Variants in TBC1D5 observed in about 807,000 individuals in gnomAD.
The protein encoded by TBC1D5 is TBC1 domain family member 5.
A neutral mutation model predicts 100.3 loss-of-function variants in TBC1D5; 75 were observed. The ratio of observed to expected loss-of-function variants is 0.75; its 90% CI spans 0.62 to 0.91. The LOEUF is 0.91. Ranked by LOEUF, TBC1D5 falls within the 40% of genes least tolerant of loss-of-function variation. The pLI, the probability that TBC1D5 is intolerant of heterozygous loss-of-function variation, is 0.00. For synonymous variants in TBC1D5, 323 were observed against 325.6 expected, an observed-to-expected ratio of 0.99 and a Z score of 0.09; for missense variants, 910 against 942.4, an observed-to-expected ratio of 0.97 and a Z score of 0.45.
chr3:17,523,058 T>C (rs2096080384), intron 2 of TBC1D5, among the ~76,000 whole-genome samples: 10 of 151,016 alleles, frequency 6.6e-5, no homozygotes. Flanking sequence ...TTTCACTTAA[T>C]GCTTACTAAA....
intron 1 of TBC1D5, among the ~76,000 whole-genome samples, chr3:17,707,173 T>G (rs1338182332): frequency 6.6e-6 from 1 of 151,640 alleles, no homozygotes; most frequent in Non-Finnish European, 1.5e-5. Context: ...AACTACACTA[T>G]ATTTGAGATA....
At chr3:17,228,469 G>C (rs937397958) in intron 17 of TBC1D5, among the ~76,000 whole-genome samples, 1 of 152,152 alleles carries the variant, frequency 6.6e-6, no homozygotes, top group Non-Finnish European at 1.5e-5. Flanking sequence ...CTGGATTGTG[G>C]ATTCACAGGT....
At chr3:17,590,117 C>A (rs1340912802) in intron 2 of TBC1D5, among the ~76,000 whole-genome samples, 1 of 152,196 alleles carries the variant, frequency 6.6e-6, no homozygotes, top group Admixed American at 6.5e-5. Context: ...TCCCAGCGGG[C>A]CCCAGAGGTG....
intron 18 of TBC1D5, among the ~76,000 whole-genome samples, chr3:17,195,243 A>G (rs923287200): frequency 3.3e-5 from 5 of 152,292 alleles, no homozygotes; most frequent in Admixed American, 3.3e-4. Flanking sequence ...TTGTGTTTTT[A>G]TAATTAGGCA....
chr3:17,508,352 C>A, intron 3 of TBC1D5, 122 bp downstream of exon 3: 1 of 712,456 alleles, frequency 1.4e-6, no homozygotes, highest in Non-Finnish European at 2.5e-6. Flanking sequence ...ACATACTTAA[C>A]ACTGGCCTGC....
At chr3:17,522,253 T>A (rs757970003) in intron 2 of TBC1D5, among the ~76,000 whole-genome samples, 1 of 152,116 alleles carries the variant, frequency 6.6e-6, no homozygotes, top group African/African-American at 2.4e-5. Flanking sequence ...TAAAAGAGAT[T>A]TGTACACATG....
At chr3:17,226,362 C>T (rs903035670) in intron 17 of TBC1D5, among the ~76,000 whole-genome samples, 2 of 148,078 alleles carry the variant, frequency 1.4e-5, no homozygotes, top group South Asian at 2.1e-4. Context: ...TTTTGTTGCA[C>T]GAAAATTTAA....
intron 16 of TBC1D5, among the ~76,000 whole-genome samples, chr3:17,252,413 T>G (rs2077255133): frequency 6.6e-6 from 1 of 152,162 alleles, no homozygotes; most frequent in Non-Finnish European, 1.5e-5. Flanking sequence ...CTGATATTGA[T>G]GATGAAAGAT....
chr3:17,161,051 G>A lies in TBC1D5; in HGVS notation c.2300C>T (p.Ser767Leu), dbSNP rs748623784. 2.5e-6 allele frequency: 4 copies of A among 1,614,126 alleles called. No homozygotes were observed. The South Asian group carries it at 3.3e-5, about 13-fold the overall frequency. Reference sequence around the variant, plus strand: ...GGAGCTGGGGTTGCTGGAGGAAGCTGAGGCTGGGCCCATCAGTGGATCTGA... The same window carrying A: ...GGAGCTGGGGTTGCTGGAGGAAGCTAAGGCTGGGCCCATCAGTGGATCTGA... Residue 767 changes from serine to leucine, a missense_variant, in exon 22 of 22, where the codon TCA becomes TTA. Coordinates refer to ENST00000253692, the Ensembl canonical transcript of TBC1D5.
chr3:17,349,441 C>G (rs1303938420), intron 13 of TBC1D5, among the ~76,000 whole-genome samples: 1 of 152,166 alleles, frequency 6.6e-6, no homozygotes, highest in Non-Finnish European at 1.5e-5. Flanking sequence ...TTTAAAATAA[C>G]TAATTACTAC....
intron 1 of TBC1D5, among the ~76,000 whole-genome samples, chr3:17,716,083 T>C (rs890609496): frequency 6.6e-6 from 1 of 152,016 alleles, no homozygotes; most frequent in African/African-American, 2.4e-5. Context: ...ATGAAAAAAG[T>C]TGGGCATGGG....
At position 17,352,683 on chromosome 3, in the gene TBC1D5, C is replaced by CAAAAAAAAAAAAA. The variant is rs1363926293; in HGVS notation, c.995+19379_995+19391dup. The stretch of plus-strand genomic sequence containing the variant: ...TCTAACTACAATACAAAGCAAAAGG[C>CAAAAAAAAAAAAA]AAAAAAAAAAAAAAAACAAAAAAAC... On this transcript the variant is annotated intron_variant, in intron 13 of 21. Coordinates refer to ENST00000253692, the Ensembl canonical transcript of TBC1D5. 1.1e-4 allele frequency among the ~76,000 whole-genome samples: 10 copies of CAAAAAAAAAAAAA among 94,904 alleles called. 1 individual carries two copies. Among genetic ancestry groups the CAAAAAAAAAAAAA allele is most frequent in the Non-Finnish European group, 1.4e-4 (7 of 48,610 alleles). 62.3% of individuals were successfully genotyped at this position (94,904 alleles called of 152,430 possible).
intron 4 of TBC1D5, among the ~76,000 whole-genome samples, chr3:17,410,526 GC>G (rs1312795391): frequency 1.3e-5 from 2 of 152,078 alleles, no homozygotes. Context: ...ACAGATCTGG[GC>G]AAAGTGAATT....
chr3:17,663,957 A>G (rs1051950592), intron 1 of TBC1D5, among the ~76,000 whole-genome samples: 1 of 152,230 alleles, frequency 6.6e-6, no homozygotes, highest in African/African-American at 2.4e-5. Flanking sequence ...CATATAAAAA[A>G]CTTATAAAAC....
rs572956953 is a variant in TBC1D5 at position 17,640,602 on chromosome 3, T to C, written c.-100-16689A>G. Among the ~76,000 whole-genome samples, 19 of 152,238 alleles carry C rather than the reference T, an allele frequency of 1.2e-4. No homozygotes were observed. The South Asian group carries it at 2.3e-3, about 18-fold the overall frequency. ...TAAGAATAAACTAATTTAGTCATTA[T>C]ACCTTTTTAAAGATTTCTGCAGTGG... On this transcript the variant is annotated intron_variant, in intron 1 of 21. Coordinates refer to ENST00000253692, the Ensembl canonical transcript of TBC1D5.
At chr3:17,160,803 T>G in exon 22 of TBC1D5, 4 of 932,666 alleles carry the variant, frequency 4.3e-6, no homozygotes, top group Non-Finnish European at 6.3e-6. Flanking sequence ...TGGCCATATA[T>G]GCTTCTCTCT....
chr3:17,174,285 G>A (rs1175897756), intron 19 of TBC1D5, among the ~76,000 whole-genome samples: 1 of 151,940 alleles, frequency 6.6e-6, no homozygotes, highest in African/African-American at 2.4e-5. Flanking sequence ...CACCAAAGGT[G>A]CCAGGTTCTA....
At chr3:17,648,792 C>T (rs2065255525) in intron 1 of TBC1D5, among the ~76,000 whole-genome samples, 1 of 152,158 alleles carries the variant, frequency 6.6e-6, no homozygotes, top group Non-Finnish European at 1.5e-5. Context: ...CACCTCACAC[C>T]AGTCAAATGG....
At chr3:17,628,206 T>G (rs1367307608) in intron 1 of TBC1D5, among the ~76,000 whole-genome samples, 1 of 151,820 alleles carries the variant, frequency 6.6e-6, no homozygotes, top group African/African-American at 2.4e-5. Context: ...CCTTCTCTAC[T>G]AAAAATACAA....
Sources: allele counts gnomAD v4.1 joint callset (sites outside exome capture counted in the v4.1 genomes callset), GRCh38; gene constraint gnomAD v4.1.1; transcripts MANE v1.5; gene names NCBI Gene and HGNC (gene_info 2026-07-23, HGNC 2026-07-21).